VPS13D: variants seen among roughly 807,000 people sequenced by gnomAD.
VPS13D encodes intermembrane lipid transfer protein VPS13D.
A neutral mutation model predicts 461.9 loss-of-function variants in VPS13D; 187 were observed. The ratio of observed to expected loss-of-function variants is 0.40; its 90% CI spans 0.36 to 0.46. The LOEUF is 0.46. VPS13D is among the 20% of genes least tolerant of loss of function. VPS13D has a pLI of 0.60. For missense variants in VPS13D, 4,711 were observed against 5,364.9 expected, an observed-to-expected ratio of 0.88 and a Z score of 3.81; for synonymous variants, 1,951 against 1,986.3, an observed-to-expected ratio of 0.98 and a Z score of 0.47.
intron 13 of VPS13D, among the ~76,000 whole-genome samples, chr1:12,262,851 G>A (rs1275952167): frequency 3.3e-5 from 5 of 151,740 alleles, no homozygotes; most frequent in Admixed American, 1.3e-4. Flanking sequence ...CTACAGGCGC[G>A]CGCCACCATG....
chr1:12,355,024 C>T (rs922040544), intron 47 of VPS13D, among the ~76,000 whole-genome samples: 1 of 152,094 alleles, frequency 6.6e-6, no homozygotes, highest in African/African-American at 2.4e-5. Flanking sequence ...AATGTATAGG[C>T]CAAAAAGGAA....
chr1:12,403,839 G>A lies in VPS13D; in HGVS notation c.11896G>A (p.Asp3966Asn). Residue 3966 changes from aspartate to asparagine, a missense_variant, in exon 63 of 70, where the codon GAT becomes AAT. Transcript: ENST00000620676. ...DQAESEVEKYDENLHEKTAEQ... is the reference protein window; with the variant it reads ...DQAESEVEKYNENLHEKTAEQ... ...CTTTGTACCAGAGGTGGAAAAATATGATGAAAACCTCCATGAAAAGACAGC... is the reference window on the plus strand; with the variant it reads ...CTTTGTACCAGAGGTGGAAAAATATAATGAAAACCTCCATGAAAAGACAGC... 1.3e-6 allele frequency: 2 copies of A among 1,598,898 alleles called. No homozygotes were observed. Among genetic ancestry groups the A allele is most frequent in the Non-Finnish European group, 1.7e-6 (2 of 1,175,662 alleles).
At chr1:12,319,700 T>G (rs1569895444) in intron 32 of VPS13D, 70 bp downstream of exon 32, 2 of 1,605,094 alleles carry the variant, frequency 1.2e-6, no homozygotes, top group East Asian at 4.5e-5. Context: ...AAGAGAATTT[T>G]CCCTCTTAAA....
intron 39 of VPS13D, 181 bp from the exon 40 acceptor site, chr1:12,338,050 T>A: frequency 2.0e-6 from 1 of 507,366 alleles, no homozygotes; most frequent in Non-Finnish European, 3.5e-6. Context: ...AGCATAAAAA[T>A]GTGTTCACTT....
intron 60 of VPS13D, among the ~76,000 whole-genome samples, chr1:12,394,329 G>A (rs1169756888): frequency 6.6e-6 from 1 of 151,984 alleles, no homozygotes; most frequent in Non-Finnish European, 1.5e-5. Flanking sequence ...TATTAATTTC[G>A]CTTCTAGGAA....
At position 12,254,477 on chromosome 1, in the gene VPS13D, ATAT is replaced by A. The variant is rs200628895; in HGVS notation, c.669+656_669+658del. On this transcript the variant is annotated intron_variant, in intron 7 of 69. Coordinates refer to ENST00000620676, the MANE Select transcript of VPS13D (RefSeq NM_015378.4). ...TTTAAAAAGTCATAAATCATCAGAT[ATAT>A]TATTGTTTGTGAAGGATTAAAAAAA... 8.1e-3 allele frequency among the ~76,000 whole-genome samples: 1,129 copies of A among 139,734 alleles called. 15 individuals carry two copies. Among genetic ancestry groups the A allele is most frequent in the African/African-American group, 0.029 (1,077 of 37,288 alleles). The allele number at this position is 139,734 out of a possible 152,430, so 91.7% of individuals were successfully genotyped here.
intron 67 of VPS13D, among the ~76,000 whole-genome samples, chr1:12,489,547 T>C (rs1237890501): frequency 6.6e-6 from 1 of 152,168 alleles, no homozygotes; most frequent in African/African-American, 2.4e-5. Flanking sequence ...AAGTAGAATG[T>C]TAACAAGAAA....
intron 46 of VPS13D, among the ~76,000 whole-genome samples, chr1:12,349,947 G>A (rs1442412669): frequency 6.6e-6 from 1 of 152,138 alleles, no homozygotes; most frequent in Non-Finnish European, 1.5e-5. Context: ...ATGAGGATTA[G>A]CTTTAGTTTC....
At position 12,279,370 on chromosome 1, in the gene VPS13D, G is replaced by A; in HGVS notation, c.4451-129G>A. The stretch of plus-strand genomic sequence containing the variant: ...TTGCTCTCAATCATAGACCCCGGGT[G>A]CCAGGCTAACCTGCCCTCCTGGTCT... On this transcript the variant is annotated intron_variant, in intron 19 of 69. Transcript: ENST00000620676. This position sits in a 1 kb window ranked among gnomAD's most constrained non-coding sequence, Gnocchi z 4.3. The A allele has an allele frequency of 1.9e-6, 2 of 1,043,352 alleles. No individual in the cohort carries two copies. The highest frequency in any genetic ancestry group is 2.6e-6 in the Non-Finnish European group (2 of 770,612). The allele number at this position is 1,043,352 out of a possible 1,614,324, so 64.6% of individuals were successfully genotyped here.
At chr1:12,410,166 TTGA>T (rs1213326461) in intron 63 of VPS13D, among the ~76,000 whole-genome samples, 2 of 152,226 alleles carry the variant, frequency 1.3e-5, no homozygotes, top group African/African-American at 4.8e-5. Flanking sequence ...CTTGAGATAT[TTGA>T]TGATTTCTAA....
chr1:12,323,692 T>C lies in VPS13D; in HGVS notation c.7916-14T>C, dbSNP rs1219302162. 1 of 1,609,992 alleles carries C rather than the reference T, an allele frequency of 6.2e-7. No individual in the cohort carries two copies. The highest frequency in any genetic ancestry group is 8.5e-7 in the Non-Finnish European group (1 of 1,177,554). The stretch of plus-strand genomic sequence containing the variant: ...AAAATTATTTATGAAAATTTTATGC[T>C]ATTTGTTTCCTAGAGTTACAGCTGG... On this transcript the variant is annotated splice_polypyrimidine_tract_variant and intron_variant, in intron 34 of 69. Transcript: ENST00000620676.
At chr1:12,455,652 C>G (rs771601316) in intron 65 of VPS13D, among the ~76,000 whole-genome samples, 2 of 152,180 alleles carry the variant, frequency 1.3e-5, no homozygotes, top group Non-Finnish European at 2.9e-5. Context: ...GGCACAGTGG[C>G]TCACGCCTGT....
In VPS13D at chr1:12,509,061, C is replaced by T. The variant is rs369409458; in HGVS notation, c.*37C>T. The T allele has an allele frequency of 4.8e-5, 77 of 1,602,730 alleles. No individual in the cohort carries two copies. In the African/African-American group the frequency reaches 9.3e-4, roughly 19 times the overall value. The stretch of plus-strand genomic sequence containing the variant: ...TGAGATGGGCGCTCCCGACACAGCG[C>T]AGACCCACCAGGAGGAAAGAGGCCC... On this transcript the variant is annotated 3_prime_UTR_variant, in exon 70 of 70. Coordinates refer to ENST00000620676, the MANE Select transcript of VPS13D (RefSeq NM_015378.4).
In VPS13D at chr1:12,261,050, G is replaced by C; in HGVS notation, c.1315G>C (p.Gly439Arg). 6.2e-7 allele frequency: 1 copy of C among 1,614,166 alleles called. No individual in the cohort carries two copies. The highest frequency in any genetic ancestry group is 8.5e-7 in the Non-Finnish European group (1 of 1,180,034). Residue 439 changes from glycine (G) to arginine (R), a missense_variant, in exon 12 of 70, where the codon GGA (glycine) becomes CGA (arginine). Coordinates refer to ENST00000620676, the MANE Select transcript of VPS13D (RefSeq NM_015378.4). ...GCAGTATCTCCAGTCCTGGTTTCCT[G>C]GATGGGGTGGCTGGTACGGGCAGCA... is the stretch of plus-strand genomic sequence containing the variant. ...MLQYLQSWFP[G>R]WGGWYGQQTP... is the part of the protein sequence containing the mutation.
At chr1:12,466,149 T>A (rs949922916) in intron 67 of VPS13D, among the ~76,000 whole-genome samples, 52 of 149,640 alleles carry the variant, frequency 3.5e-4, no homozygotes, top group South Asian at 1.7e-3. Context: ...AAAAAAAAAA[T>A]AGTCTGCAAA....
In VPS13D at chr1:12,506,717, G is replaced by A. The variant is rs565335019; in HGVS notation, c.12795-136G>A. 4 of 1,174,992 alleles carry A rather than the reference G, an allele frequency of 3.4e-6. No individual in the cohort carries two copies. The East Asian group carries it at 9.6e-5, about 28-fold the overall frequency. The allele number at this position is 1,174,992 out of a possible 1,614,324, so 72.8% of individuals were successfully genotyped here. On this transcript the variant is annotated intron_variant, in intron 68 of 69. Transcript: ENST00000620676. ...CAAACACCCACAAGATAGAATTTCA[G>A]GATTTAGAAGTATTTCCCGGCAAGG... is the stretch of plus-strand genomic sequence containing the variant.
In VPS13D at chr1:12,348,865, A is replaced by G. The variant is rs761934945; in HGVS notation, c.9112A>G (p.Met3038Val). 2 of 1,614,158 alleles carry G rather than the reference A, an allele frequency of 1.2e-6. No individual in the cohort carries two copies. Among genetic ancestry groups the G allele is most frequent in the Non-Finnish European group, 1.7e-6 (2 of 1,180,032 alleles). Residue 3038 changes from methionine to valine, a missense_variant, in exon 45 of 70, where the codon ATG becomes GTG. Around this residue, in one of 3 missense-constraint regions of VPS13D, gnomAD observed 4,411 missense variants for 4,937.8 expected, o/e 0.89. Coordinates refer to ENST00000620676, the MANE Select transcript of VPS13D (RefSeq NM_015378.4). ...AGTGCGGGTGGTCTTTGCAGTGACT[A>G]TGGAAGGCAGTGCACGGAAAGTCAT... ...PPVRVVFAVT[M>V]EGSARKVITV...
intron 34 of VPS13D, among the ~76,000 whole-genome samples, chr1:12,323,276 A>G (rs759122794): frequency 2.0e-5 from 3 of 150,984 alleles, no homozygotes; most frequent in South Asian, 4.2e-4. Context: ...GGGTCTTGCT[A>G]TTTTGCCCAG....
chr1:12,427,239 TATTTTATTA>T (rs1394639342), intron 65 of VPS13D, among the ~76,000 whole-genome samples: 1 of 133,702 alleles, frequency 7.5e-6, no homozygotes, highest in African/African-American at 3.1e-5. Context: ...TTATTGTCAT[TATTTTATTA>T]TTATTATTAT....
Sources: allele counts gnomAD v4.1 joint callset (sites outside exome capture counted in the v4.1 genomes callset), GRCh38; gene constraint gnomAD v4.1.1; regional missense constraint gnomAD v4.1.1; non-coding constraint Gnocchi (gnomAD v3.1); transcripts MANE v1.5; gene names NCBI Gene and HGNC (gene_info 2026-07-23, HGNC 2026-07-21).